Variants in POSTN observed in about 807,000 individuals in gnomAD.
POSTN encodes osteoblast specific factor 2 (fasciclin I-like).
A neutral mutation model predicts 104.5 loss-of-function variants in POSTN; 71 were observed. The ratio of observed to expected loss-of-function variants is 0.68; its 90% CI spans 0.56 to 0.83. POSTN has a LOEUF of 0.83. Among genes scored for constraint, POSTN ranks in the 40% least tolerant of loss-of-function variants. The probability of loss-of-function intolerance (pLI) is 0.00; values close to 1 mark genes in which losing one functional copy is unlikely to be tolerated. For synonymous variants in POSTN, 355 were observed against 340.7 expected (o/e 1.04, Z -0.46); for missense variants, 949 against 1,006.8 (o/e 0.94, Z 0.78).
In POSTN at chr13:37,587,057, T is replaced by C. The variant is rs551102284; in HGVS notation, c.607-129A>G. ...CATACAGGAAACTACATTGTAAATG[T>C]AAACGCTGTGGATGAAGATTTACAT... On this transcript the variant is annotated intron_variant, in intron 5 of 22. Coordinates refer to ENST00000379747, the MANE Select transcript of POSTN (RefSeq NM_006475.3). 7.9e-6 allele frequency: 6 copies of C among 755,176 alleles called. 1 individual carries two copies. In the South Asian group the frequency reaches 9.0e-5, roughly 11 times the overall value. The allele number at this position is 755,176 out of a possible 1,614,324, so 46.8% of individuals were successfully genotyped here. A position where few individuals can be genotyped will look rare whatever the true frequency, so the allele number is the denominator to read the frequency against.
chr13:37,571,992 T>C (rs79923158), intron 17 of POSTN, among the ~76,000 whole-genome samples: 4,542 of 151,742 alleles, frequency 0.03, 211 homozygotes, highest in African/African-American at 0.1. Flanking sequence ...TGTCAGGTTT[T>C]ATGAGGAAAA....
Position 37,592,163 on chromosome 13 carries a change from T to A in POSTN, c.220A>T (p.Thr74Ser), listed in dbSNP as rs772797682. 1.3e-6 allele frequency: 2 copies of A among 1,559,242 alleles called. No homozygotes were observed. The highest frequency in any genetic ancestry group is 1.2e-5 in the South Asian group (1 of 86,262). ...YKKSICGQKT[T>S]VLYECCPGYM... Reference sequence around the variant, plus strand: ...CCAGGGCAACATTCATATAACACAGTCCTGTACATAGGAAGAAAATTAATA... The same window carrying A: ...CCAGGGCAACATTCATATAACACAGACCTGTACATAGGAAGAAAATTAATA... Residue 74 changes from threonine (T) to serine (S), a missense_variant and splice_region_variant, in exon 3 of 23, where the codon ACT becomes TCT. Physicochemically the swap from Thr to Ser is moderately conservative, Grantham distance 58. Coordinates refer to ENST00000379747, the MANE Select transcript of POSTN (RefSeq NM_006475.3).
At chr13:37,592,399 C>T (rs1385153037) in intron 2 of POSTN, among the ~76,000 whole-genome samples, 3 of 152,042 alleles carry the variant, frequency 2.0e-5, no homozygotes, top group Non-Finnish European at 2.9e-5. Context: ...CTCGGGTTCA[C>T]GCCATTCTCC....
intron 3 of POSTN, among the ~76,000 whole-genome samples, chr13:37,590,740 G>A (rs1950905062): frequency 7.1e-6 from 1 of 141,530 alleles, no homozygotes; most frequent in African/African-American, 2.6e-5. Flanking sequence ...TATCCTTTGT[G>A]TTGAGGAAAA....
At chr13:37,577,349 G>T (rs1045378908) in intron 16 of POSTN, among the ~76,000 whole-genome samples, 1 of 152,142 alleles carries the variant, frequency 6.6e-6, no homozygotes, top group Non-Finnish European at 1.5e-5. Flanking sequence ...TTCTCAGCCT[G>T]CCCTTAGATA....
chr13:37,586,744 G>C, intron 6 of POSTN, 38 bp downstream of exon 6: 1 of 1,553,734 alleles, frequency 6.4e-7, no homozygotes, highest in Non-Finnish European at 8.7e-7. Context: ...GAAGAAGAGG[G>C]ATTTCAATGA....
rs1227940206 is a variant in POSTN at position 37,563,153 on chromosome 13, C to G, written c.*180G>C. 4.8e-6 allele frequency: 2 copies of G among 417,126 alleles called. No individual in the cohort carries two copies. The highest frequency in any genetic ancestry group is 4.3e-6 in the Non-Finnish European group (1 of 231,004). 25.8% of individuals were successfully genotyped at this position (417,126 alleles called of 1,614,324 possible). On this transcript the variant is annotated 3_prime_UTR_variant, in exon 23 of 23. Transcript: ENST00000379747. ...CCTTTACCACAGGAGGCTAACTCCA[C>G]AATTTCCCTCATGTTTCTCATTCAG...
At chr13:37,573,252 A>T (rs1468825612) in intron 17 of POSTN, among the ~76,000 whole-genome samples, 1 of 151,576 alleles carries the variant, frequency 6.6e-6, no homozygotes, top group Non-Finnish European at 1.5e-5. Context: ...TTTAAAATCA[A>T]TTGTATTATC....
At chr13:37,586,034 C>T in intron 7 of POSTN, 105 bp downstream of exon 7, 1 of 1,177,682 alleles carries the variant, frequency 8.5e-7, no homozygotes, top group Non-Finnish European at 1.1e-6. Context: ...AAATTTTTCC[C>T]TGCCTTTGCT....
Position 37,577,736 on chromosome 13 carries a change from A to AT in POSTN, c.2008+16dup. 16 of 1,609,550 alleles carry AT rather than the reference A, an allele frequency of 9.9e-6. No homozygotes were observed. Among genetic ancestry groups the AT allele is most frequent in the Non-Finnish European group, 1.3e-5 (15 of 1,177,600 alleles). On this transcript the variant is annotated intron_variant, in intron 16 of 22. Transcript: ENST00000379747. Reference sequence around the variant, plus strand: ...ATACCTTGCCACCCAGGTGGCCAATATTTATTATATACTTACTATAGACAG... The same window carrying AT: ...ATACCTTGCCACCCAGGTGGCCAATATTTTATTATATACTTACTATAGACAG...
chr13:37,588,899 G>C (rs1451281166), intron 4 of POSTN, among the ~76,000 whole-genome samples: 1 of 152,134 alleles, frequency 6.6e-6, no homozygotes, highest in Non-Finnish European at 1.5e-5. Flanking sequence ...CTTCAGGAAG[G>C]TTGAGTGGTA....
intron 9 of POSTN, among the ~76,000 whole-genome samples, chr13:37,583,584 C>A (rs1950663494): frequency 6.6e-6 from 1 of 151,810 alleles, no homozygotes. Context: ...ACCACCACAC[C>A]TGGCTAATTT....
At position 37,598,419 on chromosome 13, in the gene POSTN, A is replaced by G. The variant is rs575706043; in HGVS notation, c.119+189T>C. 2.0e-5 allele frequency among the ~76,000 whole-genome samples: 3 copies of G among 152,302 alleles called. No homozygotes were observed. In the East Asian group the frequency reaches 5.8e-4, roughly 29 times the overall value. On this transcript the variant is annotated intron_variant, in intron 1 of 22. Transcript: ENST00000379747. ...TTATATTCAAGGTATTTAGAGAGCA[A>G]TTAAGTCTTAAAGCTTAAAAGTGCA...
chr13:37,588,141 A>T (rs1950808401), intron 4 of POSTN, among the ~76,000 whole-genome samples, 155 bp from the exon 5 acceptor site: 1 of 152,128 alleles, frequency 6.6e-6, no homozygotes, highest in African/African-American at 2.4e-5. Flanking sequence ...TATTATTCTA[A>T]TTGGTTAAGG....
At position 37,579,761 on chromosome 13, in the gene POSTN, GA is replaced by G. The variant is rs537196633; in HGVS notation, c.1660+99del. ...ACTAAAGCTAACCATGAATACCAGA[GA>G]GGGGGCATTTTTAAGGCAGACATCT... On this transcript the variant is annotated intron_variant, in intron 12 of 22. Coordinates refer to ENST00000379747, the MANE Select transcript of POSTN (RefSeq NM_006475.3). 167 of 1,321,700 alleles carry G rather than the reference GA, an allele frequency of 1.3e-4. No individual in the cohort carries two copies. In the African/African-American group the frequency reaches 1.9e-3, roughly 15 times the overall value. The allele number at this position is 1,321,700 out of a possible 1,614,324, so 81.9% of individuals were successfully genotyped here. A position where few individuals can be genotyped will look rare whatever the true frequency, so the allele number is the denominator to read the frequency against.
intron 10 of POSTN, among the ~76,000 whole-genome samples, chr13:37,582,100 T>C (rs1305950374): frequency 6.6e-6 from 1 of 152,234 alleles, no homozygotes; most frequent in East Asian, 1.9e-4. Flanking sequence ...AATTTACTGC[T>C]TTCTGGAATT....
Position 37,571,452 on chromosome 13 carries a change from G to A in POSTN, c.2096C>T (p.Thr699Ile). ...ACCTTCAATTTTGACTTTTGTTAGT[G>A]TGGGTCCTGGGACATTATTTTAGGA... is the stretch of plus-strand genomic sequence containing the variant. ...LQPIIKTEGPTLTKVKIEGEP... is the reference protein window; with the variant it reads ...LQPIIKTEGPILTKVKIEGEP... The change falls in exon 18 of 23, where the codon ACA becomes ATA. Residue 699 changes from threonine (T) to isoleucine (I), a missense_variant. Physicochemically the swap from Thr to Ile is moderately conservative, Grantham distance 89. Transcript: ENST00000379747. 1 of 1,599,156 alleles carries A rather than the reference G, an allele frequency of 6.3e-7. No individual in the cohort carries two copies. The highest frequency in any genetic ancestry group is 8.6e-7 in the Non-Finnish European group (1 of 1,167,122).
chr13:37,597,695 G>A (rs1384927022), intron 1 of POSTN, among the ~76,000 whole-genome samples: 2 of 152,142 alleles, frequency 1.3e-5, no homozygotes, highest in African/African-American at 4.8e-5. Flanking sequence ...TGAGAGGTCA[G>A]AGAGCAAAAG....
Position 37,597,176 on chromosome 13 carries a change from A to T in POSTN, c.218+8T>A. 6.6e-7 allele frequency: 1 copy of T among 1,517,584 alleles called. No individual in the cohort carries two copies. 94.0% of individuals were successfully genotyped at this position (1,517,584 alleles called of 1,614,324 possible). On this transcript the variant is annotated splice_region_variant and intron_variant, in intron 2 of 22. Transcript: ENST00000379747. ...ACTGACATATTATGAAAAAAAAAAG[A>T]GACTTACGTTTTCTGTCCACAGATG...
Sources: gnomAD v4.1 joint callset for allele counts (sites outside exome capture counted in the v4.1 genomes callset) on GRCh38, gnomAD v4.1.1 for gene constraint, MANE v1.5 for transcripts, NCBI Gene and HGNC (gene_info 2026-07-23, HGNC 2026-07-21) for gene names.